Variants in PTPRD observed in about 807,000 individuals in gnomAD.
PTPRD encodes the protein receptor-type tyrosine-protein phosphatase delta.
In PTPRD, 34 loss-of-function variants were observed where a neutral mutation model predicts 214.5. That is an observed-to-expected ratio of 0.16 (90% CI 0.12 to 0.21). The LOEUF is 0.21. PTPRD is among the 10% of genes least tolerant of loss of function. PTPRD has a pLI of 1.00. For synonymous variants in PTPRD, 1,128 were observed against 845.7 expected (o/e 1.33, Z -5.79); for missense variants, 2,545 against 2,398.7 (o/e 1.06, Z -1.27).
chr9:8,569,974 G>C (rs189364493), intron 14 of PTPRD, among the ~76,000 whole-genome samples: 1 of 152,230 alleles, frequency 6.6e-6, no homozygotes, highest in African/African-American at 2.4e-5. Flanking sequence ...GCGGTGAACT[G>C]TTAGAAAAAC....
At chr9:8,843,681 C>A (rs1282314953) in intron 11 of PTPRD, among the ~76,000 whole-genome samples, 1 of 152,172 alleles carries the variant, frequency 6.6e-6, no homozygotes. Context: ...CCGTTCTCAT[C>A]TCCTGAGTTT....
At chr9:8,509,527 G>C (rs1224332989) in intron 21 of PTPRD, among the ~76,000 whole-genome samples, 1 of 152,162 alleles carries the variant, frequency 6.6e-6, no homozygotes, top group Non-Finnish European at 1.5e-5. Flanking sequence ...TCAAGAATTA[G>C]AAACACAGAC....
intron 9 of PTPRD, among the ~76,000 whole-genome samples, chr9:9,335,193 C>G (rs1054635320): frequency 6.6e-6 from 1 of 151,916 alleles, no homozygotes; most frequent in Non-Finnish European, 1.5e-5. Flanking sequence ...TTTGAAAAAG[C>G]CTTAAAAAGT....
At chr9:10,482,685 A>G (rs2099108401) in intron 2 of PTPRD, among the ~76,000 whole-genome samples, 1 of 152,162 alleles carries the variant, frequency 6.6e-6, no homozygotes, top group Non-Finnish European at 1.5e-5. Flanking sequence ...CAAGATGAGA[A>G]TCAAACCAAG....
At position 10,488,329 on chromosome 9, in the gene PTPRD, T is replaced by C. The variant is rs1032145801; in HGVS notation, c.-600+124069A>G. Among the ~76,000 whole-genome samples, 5 of 141,514 alleles carry C rather than the reference T, an allele frequency of 3.5e-5. No homozygotes were observed. In the South Asian group the frequency reaches 6.7e-4, roughly 19 times the overall value. The allele number at this position is 141,514 out of a possible 152,430, so 92.8% of individuals were successfully genotyped here. ...TTGCAGTGAGCCGAGATCGCACCAC[T>C]GCACTCCAGCCTGGGCAACAGAGTG... On this transcript the variant is annotated intron_variant, in intron 2 of 45. Coordinates refer to ENST00000381196, the MANE Select transcript of PTPRD (RefSeq NM_002839.4).
chr9:9,884,182 T>A (rs4313211), intron 5 of PTPRD, among the ~76,000 whole-genome samples: 66,793 of 151,934 alleles, frequency 0.44, 19,184 homozygotes, highest in East Asian at 0.85. Flanking sequence ...CCCATCATCC[T>A]TCAAACATTG....
At chr9:8,617,582 T>C (rs916211628) in intron 14 of PTPRD, among the ~76,000 whole-genome samples, 1 of 152,116 alleles carries the variant, frequency 6.6e-6, no homozygotes, top group Non-Finnish European at 1.5e-5. Flanking sequence ...CTTGTCTAAG[T>C]ACTGGGATAA....
At chr9:9,044,632 A>G (rs140472315) in intron 10 of PTPRD, among the ~76,000 whole-genome samples, 1 of 152,362 alleles carries the variant, frequency 6.6e-6, no homozygotes, top group Non-Finnish European at 1.5e-5. Flanking sequence ...TAGAGAAAGC[A>G]CATCCTAACT....
At chr9:8,846,399 C>T (rs1601719424) in intron 11 of PTPRD, among the ~76,000 whole-genome samples, 1 of 152,132 alleles carries the variant, frequency 6.6e-6, no homozygotes, top group East Asian at 1.9e-4. Flanking sequence ...GGGAATAAGA[C>T]ATGGACATTG....
At chr9:10,466,478 C>G (rs911286368) in intron 2 of PTPRD, among the ~76,000 whole-genome samples, 17 of 151,730 alleles carry the variant, frequency 1.1e-4, no homozygotes, top group African/African-American at 3.9e-4. Context: ...ACAAAATTGA[C>G]CAGGCGTGGT....
chr9:9,897,863 C>A lies in PTPRD; in HGVS notation c.-368+40644G>T, dbSNP rs570958897. On this transcript the variant is annotated intron_variant, in intron 5 of 45. Transcript: ENST00000381196. The stretch of plus-strand genomic sequence containing the variant: ...ATTGGTAAGCTTTCCTCTGTAAGAG[C>A]CTAATAGTATACATTTTAGGCTTCA... Among the ~76,000 whole-genome samples, 7 of 152,136 alleles carry A rather than the reference C, an allele frequency of 4.6e-5. No individual in the cohort carries two copies. In the East Asian group the frequency reaches 9.7e-4, roughly 21 times the overall value.
intron 3 of PTPRD, among the ~76,000 whole-genome samples, chr9:10,037,836 T>C (rs2097215956): frequency 1.3e-5 from 2 of 152,284 alleles, no homozygotes; most frequent in South Asian, 2.1e-4. Context: ...TCATCTTAAA[T>C]GAGAAAGAAA....
rs192856345 is a variant in PTPRD at position 10,530,390 on chromosome 9, C to T, written c.-600+82008G>A. The stretch of plus-strand genomic sequence containing the variant: ...GTAAGAAATGCAAAAAGTTTAAACC[C>T]CATGCAAATGGAGTACATCTTTTTT... On this transcript the variant is annotated intron_variant, in intron 2 of 45. Transcript: ENST00000381196. Among the ~76,000 whole-genome samples, 535 of 152,152 alleles carry T rather than the reference C, an allele frequency of 3.5e-3. 8 individuals are homozygous for T. The highest frequency in any genetic ancestry group is 4.3e-3 in the East Asian group (22 of 5,162).
At chr9:9,531,084 C>A (rs1359694) in intron 8 of PTPRD, among the ~76,000 whole-genome samples, 24,943 of 152,090 alleles carry the variant, frequency 0.16, 2,249 homozygotes, top group Middle Eastern at 0.2. Context: ...GTGATGTACA[C>A]CCCAAATGCC....
intron 3 of PTPRD, among the ~76,000 whole-genome samples, chr9:10,107,914 T>C (rs1044644206): frequency 6.6e-6 from 1 of 152,144 alleles, no homozygotes; most frequent in African/African-American, 2.4e-5. Context: ...ACTTTATATC[T>C]GGCATTATTA....
chr9:9,291,000 C>G (rs1250053055), intron 9 of PTPRD, among the ~76,000 whole-genome samples: 2 of 151,336 alleles, frequency 1.3e-5, no homozygotes, highest in African/African-American at 2.4e-5. Context: ...CTAATAATAG[C>G]AAAGATATCT....
At chr9:9,663,625 A>G (rs936100666) in intron 7 of PTPRD, among the ~76,000 whole-genome samples, 6 of 151,662 alleles carry the variant, frequency 4.0e-5, no homozygotes, top group African/African-American at 9.7e-5. Flanking sequence ...CTTGAGCGTC[A>G]TCACTGACAA....
intron 2 of PTPRD, among the ~76,000 whole-genome samples, chr9:10,435,718 T>C (rs1291356959): frequency 3.9e-5 from 6 of 152,038 alleles, no homozygotes; most frequent in East Asian, 1.9e-4. Context: ...GCATAAAATA[T>C]GTTTTATTAT....
intron 11 of PTPRD, among the ~76,000 whole-genome samples, chr9:8,948,469 A>ATATATATTTATATATATT (rs1567182693): frequency 4.3e-4 from 3 of 7,046 alleles, no homozygotes; most frequent in South Asian, 0.026. Context: ...ATATATTTAC[A>ATATATATTTATATATATT]TATATATATA....
Sources: allele counts gnomAD v4.1 joint callset (sites outside exome capture counted in the v4.1 genomes callset), GRCh38; gene constraint gnomAD v4.1.1; transcripts MANE v1.5; gene names NCBI Gene and HGNC (gene_info 2026-07-23, HGNC 2026-07-21).